Variants in FCER2 observed in about 807,000 individuals in gnomAD.
FCER2 encodes the protein low affinity immunoglobulin epsilon Fc receptor.
FCER2 carries 38 observed loss-of-function variants against 49.7 expected under a neutral mutation model. The ratio of observed to expected loss-of-function variants is 0.76; its 90% CI spans 0.59 to 1.00. The LOEUF is 1.00. Ranked by LOEUF, FCER2 falls within the 50% of genes least tolerant of loss-of-function variation. The pLI is 0.00. For missense variants in FCER2, 425 were observed against 419.5 expected (o/e 1.01, Z -0.11); for synonymous variants, 163 against 164.6 (o/e 0.99, Z 0.07).
intron 8 of FCER2, among the ~76,000 whole-genome samples, chr19:7,693,059 C>G (rs926169518): frequency 2.0e-5 from 3 of 152,152 alleles, no homozygotes; most frequent in African/African-American, 7.2e-5. Context: ...CCAGCAGCAG[C>G]TTATCTCCAC....
At chr19:7,692,693 C>A (rs1005181690) in intron 8 of FCER2, among the ~76,000 whole-genome samples, 2 of 150,202 alleles carry the variant, frequency 1.3e-5, no homozygotes, top group Non-Finnish European at 2.9e-5. Context: ...ACCACAAACA[C>A]CTCATGGCCA....
At position 7,698,779 on chromosome 19, in the gene FCER2, G is replaced by A; in HGVS notation, c.98C>T (p.Ala33Val). Residue 33 changes from alanine (A) to valine (V), a missense_variant, in exon 3 of 11, where the codon GCT becomes GTT. Physicochemically the swap from Ala to Val is moderately conservative, Grantham distance 64 (BLOSUM62 0). Coordinates refer to ENST00000597921, the MANE Select transcript of FCER2 (RefSeq NM_001220500.2). ...QIVLLGLVTA[A>V]LWAGLLTLLL... ...CAGAGTCAGCAGCCCAGCCCACAGAGCGGCGGTCACCAGCCCCAGCAGCAC... is the reference window on the plus strand; with the variant it reads ...CAGAGTCAGCAGCCCAGCCCACAGAACGGCGGTCACCAGCCCCAGCAGCAC... 1 of 1,612,912 alleles carries A rather than the reference G, an allele frequency of 6.2e-7. No individual in the cohort carries two copies. The highest frequency in any genetic ancestry group is 8.5e-7 in the Non-Finnish European group (1 of 1,179,516).
chr19:7,698,693 A>C, intron 3 of FCER2, 48 bp downstream of exon 3: 1 of 1,595,244 alleles, frequency 6.3e-7, no homozygotes, highest in Non-Finnish European at 8.5e-7. Context: ...GGAACACAGA[A>C]GGGCCCCATG....
Position 7,698,814 on chromosome 19 carries a change from C to G in FCER2, c.63G>C (p.Gly21=), listed in dbSNP as rs1440954672. 2 of 1,611,706 alleles carry G rather than the reference C, an allele frequency of 1.2e-6. No individual in the cohort carries two copies. The highest frequency in any genetic ancestry group is 1.7e-6 in the Non-Finnish European group (2 of 1,179,194). The change falls in exon 3 of 11, where the codon GGG becomes GGC. Residue 21 remains glycine (G), a synonymous_variant. Coordinates refer to ENST00000597921, the MANE Select transcript of FCER2 (RefSeq NM_001220500.2). ...CCAGCCCCAGCAGCACGATCTGAGT[C>G]CCACGCCTGCAACACCGCCTCCTGG... ...ELPRRRCCRR[G]TQIVLLGLVT... is the part of the protein sequence containing the mutation.
intron 10 of FCER2, 123 bp from the exon 11 acceptor site, chr19:7,689,553 G>A: frequency 1.6e-6 from 1 of 620,156 alleles, no homozygotes; most frequent in Non-Finnish European, 2.8e-6. Context: ...TGTGCCTGGG[G>A]ACCGGTACCT....
intron 10 of FCER2, 85 bp downstream of exon 10, chr19:7,690,074 G>A (rs377148193): frequency 9.6e-5 from 85 of 884,750 alleles, no homozygotes; most frequent in South Asian, 4.9e-4. Flanking sequence ...GCCCTCATCC[G>A]CTTTCCGATG....
At position 7,697,586 on chromosome 19, in the gene FCER2, G is replaced by A. The variant is rs2033051148; in HGVS notation, c.194C>T (p.Ser65Phe). ...GCTTTCCAAGTTCTTGGAAACTTGA[G>A]AGACTGGAGCGGCGGGAGAGAAGAG... Reference protein sequence around the residue: ...QLEERAARNVSQVSKNLESHH... With the variant: ...QLEERAARNVFQVSKNLESHH... Residue 65 changes from serine (S) to phenylalanine (F), a missense_variant, in exon 5 of 11, where the codon TCT (serine) becomes TTT (phenylalanine). Coordinates refer to ENST00000597921, the MANE Select transcript of FCER2 (RefSeq NM_001220500.2). 2.5e-6 allele frequency: 4 copies of A among 1,614,044 alleles called. No individual in the cohort carries two copies. Among genetic ancestry groups the A allele is most frequent in the Middle Eastern group, 3.3e-4 (2 of 6,062 alleles).
chr19:7,695,444 G>A (rs1009696989), intron 8 of FCER2, among the ~76,000 whole-genome samples: 9 of 152,200 alleles, frequency 5.9e-5, no homozygotes, highest in African/African-American at 2.2e-4. Context: ...GAAAAAAATT[G>A]TAGGAGTCTC....
intron 1 of FCER2, among the ~76,000 whole-genome samples, chr19:7,700,910 A>G (rs2033139295): frequency 6.6e-6 from 1 of 152,138 alleles, no homozygotes; most frequent in Non-Finnish European, 1.5e-5. Context: ...TCCCGGGTTC[A>G]AGCGATTCTC....
Position 7,698,403 on chromosome 19 carries a change from T to A in FCER2, c.143A>T (p.Asp48Val), listed in dbSNP as rs750055702. The A allele has an allele frequency of 3.1e-6, 5 of 1,612,190 alleles. No individual in the cohort carries two copies. The African/African-American group carries it at 6.7e-5, about 22-fold the overall frequency. ...CAGCTGTTTTAGACTCTGTGTGGTG[T>A]CCCAGTCTGGGGAGGGGGAGAGAAG... ...LLTLLLLWHW[D>V]TTQSLKQLEE... The change falls in exon 4 of 11, where the codon GAC becomes GTC. Residue 48 changes from aspartate (D) to valine (V), a missense_variant. Physicochemically the swap from Asp to Val is radical, Grantham distance 152 (BLOSUM62 -3). Coordinates refer to ENST00000597921, the MANE Select transcript of FCER2 (RefSeq NM_001220500.2).
At chr19:7,701,694 G>A (rs914248107) in intron 1 of FCER2, among the ~76,000 whole-genome samples, 5 of 152,034 alleles carry the variant, frequency 3.3e-5, no homozygotes, top group African/African-American at 9.7e-5. Context: ...ACTCCAGGCC[G>A]TCCTTCTAAC....
chr19:7,691,419 A>C (rs1039574739), intron 8 of FCER2, among the ~76,000 whole-genome samples: 5 of 149,808 alleles, frequency 3.3e-5, no homozygotes, highest in African/African-American at 5.0e-5. Flanking sequence ...GCAGAGCATC[A>C]ATCACCAACA....
At position 7,699,737 on chromosome 19, in the gene FCER2, A is replaced by G; in HGVS notation, c.22+2T>C. 1 of 1,613,604 alleles carries G rather than the reference A, an allele frequency of 6.2e-7. No homozygotes were observed. The highest frequency in any genetic ancestry group is 8.5e-7 in the Non-Finnish European group (1 of 1,179,690). ...AACGTTAGAACCAGAGAGTCCTCCTACCTGAATATTGACCTTCCTCCATGG... is the reference window on the plus strand; with the variant it reads ...AACGTTAGAACCAGAGAGTCCTCCTGCCTGAATATTGACCTTCCTCCATGG... On this transcript the variant is annotated splice_donor_variant, in intron 2 of 10. Transcript: ENST00000597921. LOFTEE classifies it high-confidence loss of function.
chr19:7,693,683 C>G (rs1016305137), intron 8 of FCER2, among the ~76,000 whole-genome samples: 1 of 152,108 alleles, frequency 6.6e-6, no homozygotes, highest in South Asian at 2.1e-4. Context: ...GAGTCTTGCT[C>G]TGTCTCCCAG....
Position 7,701,056 on chromosome 19 carries a change from C to T in FCER2, c.-86+959G>A, listed in dbSNP as rs561704521. On this transcript the variant is annotated intron_variant, in intron 1 of 10. Coordinates refer to ENST00000597921, the MANE Select transcript of FCER2 (RefSeq NM_001220500.2). ...AACTCCTGACCACAGGTGATCTGCC[C>T]TCCTCAGCCTCCCAAAGTGCTAGGA... is the stretch of plus-strand genomic sequence containing the variant. 7.9e-4 allele frequency among the ~76,000 whole-genome samples: 121 copies of T among 152,270 alleles called. 1 individual carries two copies. Among genetic ancestry groups the T allele is most frequent in the African/African-American group, 2.8e-3 (118 of 41,548 alleles).
chr19:7,699,306 A>G, intron 2 of FCER2: 1 of 954,414 alleles, frequency 1.0e-6, no homozygotes, highest in South Asian at 1.4e-5. Context: ...CAGACCTCCA[A>G]ACCTCTCCCA....
At chr19:7,699,326 C>G in intron 2 of FCER2, 1 of 1,144,448 alleles carries the variant, frequency 8.7e-7, no homozygotes, top group Non-Finnish European at 1.2e-6. Flanking sequence ...AGACCCCACC[C>G]AAAGGTCTAT....
chr19:7,698,608 G>A (rs2033079582), intron 3 of FCER2, 133 bp downstream of exon 3: 1 of 1,248,072 alleles, frequency 8.0e-7, no homozygotes, highest in Non-Finnish European at 1.1e-6. Flanking sequence ...GTGGCAAGAT[G>A]GGAGGCAGGA....
intron 8 of FCER2, among the ~76,000 whole-genome samples, chr19:7,696,521 C>T (rs2033015743): frequency 6.6e-6 from 1 of 152,092 alleles, no homozygotes; most frequent in African/African-American, 2.4e-5. Flanking sequence ...CAGGTGTGAG[C>T]CACCGCGCCT....
Sources: gnomAD v4.1 joint callset for allele counts (sites outside exome capture counted in the v4.1 genomes callset) on GRCh38, gnomAD v4.1.1 for gene constraint, MANE v1.5 for transcripts, NCBI Gene and HGNC (gene_info 2026-07-23, HGNC 2026-07-21) for gene names.